The following TRPM6 variants were observed in gnomAD, a reference collection of about 807,000 sequenced individuals.
The protein encoded by TRPM6 is transient receptor potential cation channel subfamily M member 6, also known as channel kinase 2.
In TRPM6, 111 loss-of-function variants were observed where a neutral mutation model predicts 247.6. The observed-to-expected ratio is 0.45, with a 90% CI of 0.38 to 0.52. The LOEUF (loss-of-function observed/expected upper bound fraction) is 0.52. TRPM6 is among the 20% of genes least tolerant of loss of function. TRPM6 has a pLI of 0.00. For missense variants in TRPM6, 2,126 were observed against 2,421.5 expected (o/e 0.88, Z 2.56); for synonymous variants, 892 against 853.8 (o/e 1.04, Z -0.78).
intron 6 of TRPM6, among the ~76,000 whole-genome samples, chr9:74,832,214 C>T (rs577213587): frequency 6.6e-6 from 1 of 152,132 alleles, no homozygotes; most frequent in African/African-American, 2.4e-5. Flanking sequence ...CTGGAGGAAA[C>T]TCTTCAGAAC....
chr9:74,835,315 T>C (rs1019866549), intron 5 of TRPM6, among the ~76,000 whole-genome samples: 1 of 152,168 alleles, frequency 6.6e-6, no homozygotes, highest in African/African-American at 2.4e-5. Flanking sequence ...TTTAAGTTCT[T>C]TGTAGAGTTT....
chr9:74,756,681 C>CAAAAAAAAAAAA (rs1217543421), intron 27 of TRPM6, among the ~76,000 whole-genome samples: 9 of 51,740 alleles, frequency 1.7e-4, no homozygotes, highest in African/African-American at 5.8e-4. Flanking sequence ...CCCGTCTCTA[C>CAAAAAAAAAAAA]AAAAAAAAAA....
At chr9:74,745,222 T>C (rs1825995498) in intron 31 of TRPM6, among the ~76,000 whole-genome samples, 1 of 152,192 alleles carries the variant, frequency 6.6e-6, no homozygotes. Context: ...GCTTAAAGTG[T>C]ATGGGCATCT....
intron 1 of TRPM6, among the ~76,000 whole-genome samples, chr9:74,861,593 C>G (rs1003327654): frequency 6.6e-6 from 1 of 152,154 alleles, no homozygotes; most frequent in Non-Finnish European, 1.5e-5. Context: ...TCGATTTCTT[C>G]ATGCCTGTTT....
chr9:74,868,148 A>G (rs557035230), intron 1 of TRPM6, among the ~76,000 whole-genome samples: 30 of 146,360 alleles, frequency 2.0e-4, no homozygotes, highest in Non-Finnish European at 4.4e-4. Flanking sequence ...AGACTCCGCA[A>G]AAAAAAAAAA....
Position 74,775,875 on chromosome 9 carries a change from C to A in TRPM6, c.3403+8G>T. Reference sequence around the variant, plus strand: ...TCTCTTTCTCCTGCCTCACATAGAACAACTTACTTAATCCAACGTCACCCT... The same window carrying A: ...TCTCTTTCTCCTGCCTCACATAGAAAAACTTACTTAATCCAACGTCACCCT... On this transcript the variant is annotated splice_region_variant and intron_variant, in intron 24 of 38. Transcript: ENST00000360774. 1 of 1,613,988 alleles carries A rather than the reference C, an allele frequency of 6.2e-7. No individual in the cohort carries two copies. The highest frequency in any genetic ancestry group is 1.1e-5 in the South Asian group (1 of 91,074).
At chr9:74,842,636 G>T (rs1266585147) in intron 3 of TRPM6, among the ~76,000 whole-genome samples, 3 of 152,172 alleles carry the variant, frequency 2.0e-5, no homozygotes, top group Admixed American at 2.0e-4. Flanking sequence ...AGTGAATATG[G>T]CAATAAAGCT....
intron 6 of TRPM6, among the ~76,000 whole-genome samples, chr9:74,832,815 C>T (rs1319129600): frequency 6.6e-6 from 1 of 152,142 alleles, no homozygotes; most frequent in Non-Finnish European, 1.5e-5. Context: ...CTTTGGGAAG[C>T]CGAGGCAGGC....
Position 74,786,033 on chromosome 9 carries a change from C to T in TRPM6, c.2760G>A (p.Leu920=), listed in dbSNP as rs149129575. Residue 920 remains leucine (L), a synonymous_variant, in exon 21 of 39, where the codon CTG becomes CTA. Coordinates refer to ENST00000360774, the MANE Select transcript of TRPM6 (RefSeq NM_017662.5). The stretch of plus-strand genomic sequence containing the variant: ...ATCGAAGGACGAAGCCAGCTGAAAA[C>T]AGGCCAATGGCCACAGTTTCTGTTA... ...WNLTETVAIG[L]FSAGFVLRWG... 1.2e-5 allele frequency: 19 copies of T among 1,614,100 alleles called. No homozygotes were observed. Among genetic ancestry groups the T allele is most frequent in the Non-Finnish European group, 1.4e-5 (17 of 1,180,056 alleles).
chr9:74,812,268 G>A (rs1296229396), intron 12 of TRPM6, 31 bp downstream of exon 12: 2 of 1,612,574 alleles, frequency 1.2e-6, no homozygotes, highest in Admixed American at 3.3e-5. Context: ...GAATCTGGAG[G>A]GAAATGATTG....
intron 23 of TRPM6, among the ~76,000 whole-genome samples, chr9:74,777,411 C>T (rs1031013534): frequency 2.0e-5 from 3 of 152,078 alleles, no homozygotes; most frequent in Non-Finnish European, 2.9e-5. Context: ...TCATCTCTAA[C>T]GTGAGAAATT....
intron 1 of TRPM6, among the ~76,000 whole-genome samples, chr9:74,862,096 G>GAAAAAAAAAAAAA (rs577562437): frequency 9.9e-6 from 1 of 100,542 alleles, no homozygotes; most frequent in Non-Finnish European, 1.9e-5. Flanking sequence ...AAAACTACCA[G>GAAAAAAAAAAAAA]AAAAAAAAAA....
Position 74,785,846 on chromosome 9 carries a change from C to T in TRPM6, c.2919+28G>A. On this transcript the variant is annotated intron_variant, in intron 21 of 38. Transcript: ENST00000360774. Reference sequence around the variant, plus strand: ...CTAAAAATAATTTTAAAAAAGAATACCAGGATATAAAACTAGACTGTACTC... The same window carrying T: ...CTAAAAATAATTTTAAAAAAGAATATCAGGATATAAAACTAGACTGTACTC... The T allele has an allele frequency of 1.9e-6, 3 of 1,613,580 alleles. No homozygotes were observed. The East Asian group carries it at 6.7e-5, about 36-fold the overall frequency.
intron 29 of TRPM6, among the ~76,000 whole-genome samples, chr9:74,751,788 C>G (rs1265318560): frequency 6.6e-6 from 1 of 152,144 alleles, no homozygotes; most frequent in Admixed American, 6.5e-5. Context: ...CTTGACTGAT[C>G]GCACTAGTGA....
intron 4 of TRPM6, among the ~76,000 whole-genome samples, chr9:74,840,640 C>A (rs1409404299): frequency 6.6e-6 from 1 of 152,002 alleles, no homozygotes; most frequent in Non-Finnish European, 1.5e-5. Context: ...CATGGTGAAA[C>A]CCCATCTCTA....
chr9:74,770,348 G>A (rs1443214020), intron 25 of TRPM6, among the ~76,000 whole-genome samples: 1 of 152,020 alleles, frequency 6.6e-6, no homozygotes, highest in Non-Finnish European at 1.5e-5. Context: ...AAAAATAGAG[G>A]AACACATTTA....
intron 23 of TRPM6, among the ~76,000 whole-genome samples, chr9:74,779,275 A>C (rs930488846): frequency 6.6e-6 from 1 of 152,108 alleles, no homozygotes; most frequent in African/African-American, 2.4e-5. Context: ...GTGAATCCCT[A>C]TCTCTCCCCA....
chr9:74,882,264 GT>G (rs2118534495), intron 1 of TRPM6, among the ~76,000 whole-genome samples: 1 of 152,214 alleles, frequency 6.6e-6, no homozygotes, highest in Non-Finnish European at 1.5e-5. Context: ...ATGAGACCAT[GT>G]TAAACTAAAA....
chr9:74,799,119 T>C (rs1828209331), intron 17 of TRPM6, among the ~76,000 whole-genome samples: 1 of 152,210 alleles, frequency 6.6e-6, no homozygotes, highest in Non-Finnish European at 1.5e-5. Flanking sequence ...CAATTATTGT[T>C]TCTGATATTT....
Sources: allele counts gnomAD v4.1 joint callset (sites outside exome capture counted in the v4.1 genomes callset), GRCh38; gene constraint gnomAD v4.1.1; transcripts MANE v1.5; gene names NCBI Gene and HGNC (gene_info 2026-07-23, HGNC 2026-07-21).